NCOA1: variants seen among roughly 807,000 people sequenced by gnomAD.
NCOA1 encodes Hin-2 protein.
NCOA1 carries 35 observed loss-of-function variants against 150.9 expected under a neutral mutation model. The ratio of observed to expected loss-of-function variants is 0.23; its 90% CI spans 0.18 to 0.31. The LOEUF is 0.31. NCOA1 is among the 10% of genes least tolerant of loss of function. NCOA1 has a pLI of 1.00. For missense variants in NCOA1, 1,491 were observed against 1,749.3 expected (o/e 0.85, Z 2.63); for synonymous variants, 590 against 630.0 (o/e 0.94, Z 0.95).
intron 1 of NCOA1, among the ~76,000 whole-genome samples, chr2:24,546,634 C>T (rs917263510): frequency 7.2e-5 from 11 of 152,264 alleles, no homozygotes; most frequent in East Asian, 1.9e-4. Context: ...GCTGATATCA[C>T]GAGCTTGATA....
At chr2:24,495,968 T>A (rs902526766) in intron 1 of NCOA1, among the ~76,000 whole-genome samples, 16 of 152,346 alleles carry the variant, frequency 1.1e-4, no homozygotes, top group African/African-American at 3.6e-4. Flanking sequence ...CATTCTTTTC[T>A]TTGTAATTTC....
chr2:24,650,533 G>A (rs55844521), intron 4 of NCOA1, among the ~76,000 whole-genome samples: 1 of 152,014 alleles, frequency 6.6e-6, no homozygotes, highest in Admixed American at 6.6e-5. Flanking sequence ...TCTGATAGGG[G>A]TCTAATACCC....
chr2:24,499,899 G>T (rs1663383546), intron 1 of NCOA1, among the ~76,000 whole-genome samples: 1 of 152,214 alleles, frequency 6.6e-6, no homozygotes, highest in African/African-American at 2.4e-5. Flanking sequence ...TGAATGTGCT[G>T]TGGTGTGTCT....
At chr2:24,719,242 A>T (rs1674235193) in intron 14 of NCOA1, among the ~76,000 whole-genome samples, 1 of 152,090 alleles carries the variant, frequency 6.6e-6, no homozygotes, top group South Asian at 2.1e-4. Flanking sequence ...AACAGGCAAA[A>T]CTAATCTGTA....
chr2:24,610,020 A>T (rs1461644803), intron 3 of NCOA1, among the ~76,000 whole-genome samples: 1 of 150,802 alleles, frequency 6.6e-6, no homozygotes, highest in Admixed American at 6.6e-5. Flanking sequence ...TTGCATTGTG[A>T]TCAGGGAATG....
chr2:24,707,931 T>C lies in NCOA1; in HGVS notation c.2418+43T>C, dbSNP rs777722282. 3.3e-6 allele frequency: 5 copies of C among 1,537,084 alleles called. No homozygotes were observed. In the East Asian group the frequency reaches 1.1e-4, roughly 35 times the overall value. On this transcript the variant is annotated intron_variant, in intron 13 of 22. Coordinates refer to ENST00000348332, the MANE Select transcript of NCOA1 (RefSeq NM_003743.5). The stretch of plus-strand genomic sequence containing the variant: ...TCACAGAATGGTCATTCTTAGTAAT[T>C]TTTTTTTTCATTTATTCTATTCCAT...
At chr2:24,567,096 A>G (rs1666545650) in intron 2 of NCOA1, among the ~76,000 whole-genome samples, 1 of 152,196 alleles carries the variant, frequency 6.6e-6, no homozygotes, top group South Asian at 2.1e-4. Context: ...CATCACTAAG[A>G]CTGCCTCAGC....
intron 18 of NCOA1, among the ~76,000 whole-genome samples, chr2:24,740,679 A>T (rs1432830251): frequency 6.6e-6 from 1 of 152,170 alleles, no homozygotes; most frequent in Non-Finnish European, 1.5e-5. Flanking sequence ...ATGGATCCAG[A>T]TTTCAGTTTC....
intron 4 of NCOA1, among the ~76,000 whole-genome samples, chr2:24,651,345 A>G (rs2148477915): frequency 1.3e-5 from 2 of 152,202 alleles, no homozygotes; most frequent in South Asian, 4.1e-4. Context: ...TGTAATATAT[A>G]TATGCAATGG....
intron 3 of NCOA1, among the ~76,000 whole-genome samples, chr2:24,585,759 A>C (rs1184631703): frequency 6.6e-6 from 1 of 152,184 alleles, no homozygotes; most frequent in African/African-American, 2.4e-5. Context: ...TTTCATATAC[A>C]CGTATATTTC....
intron 22 of NCOA1, among the ~76,000 whole-genome samples, chr2:24,767,160 C>T (rs1665107812): frequency 6.6e-6 from 1 of 152,154 alleles, no homozygotes; most frequent in Admixed American, 6.5e-5. Flanking sequence ...TGATGGAAAA[C>T]AACTTTTACT....
At chr2:24,699,191 C>T (rs1270080669) in intron 11 of NCOA1, among the ~76,000 whole-genome samples, 1 of 152,210 alleles carries the variant, frequency 6.6e-6, no homozygotes, top group Non-Finnish European at 1.5e-5. Context: ...TGTTTCGACT[C>T]ATTGCCTGAA....
chr2:24,535,946 G>A (rs925360507), intron 1 of NCOA1, among the ~76,000 whole-genome samples: 6 of 152,032 alleles, frequency 3.9e-5, no homozygotes, highest in Non-Finnish European at 8.8e-5. Flanking sequence ...TGCTCTTCTC[G>A]AGGAGTATCT....
intron 1 of NCOA1, among the ~76,000 whole-genome samples, chr2:24,513,814 T>C (rs1572367879): frequency 6.6e-6 from 1 of 152,322 alleles, no homozygotes; most frequent in African/African-American, 2.4e-5. Context: ...AGGTTCTAGA[T>C]GGTTAGCAGC....
intron 3 of NCOA1, among the ~76,000 whole-genome samples, chr2:24,624,813 C>T (rs1669334480): frequency 1.3e-5 from 2 of 152,124 alleles, no homozygotes; most frequent in Non-Finnish European, 2.9e-5. Context: ...TTTGAGCTGA[C>T]TCTTGGGGTG....
In NCOA1 at chr2:24,644,525, G is replaced by GT. The variant is rs1670373481; in HGVS notation, c.-18+403_-18+404insT. On this transcript the variant is annotated intron_variant, in intron 4 of 22. Transcript: ENST00000348332. ...CCTGTATAATATATAGGTAATTGTAGGTATACCCATATAATATATACCTAT... is the reference window on the plus strand; with the variant it reads ...CCTGTATAATATATAGGTAATTGTAGTGTATACCCATATAATATATACCTAT... Among the ~76,000 whole-genome samples the GT allele has an allele frequency of 2.0e-5, 3 of 151,802 alleles. No homozygotes were observed. In the South Asian group the frequency reaches 6.2e-4, roughly 32 times the overall value.
chr2:24,739,643 T>G (rs1156952430), intron 18 of NCOA1, 110 bp downstream of exon 18: 3 of 696,196 alleles, frequency 4.3e-6, no homozygotes, highest in Non-Finnish European at 7.2e-6. Context: ...CTTTTAATGA[T>G]GTTTGTAGTG....
rs377167840 is a variant in NCOA1, at chr2:24,751,972, C to A, written c.3707-10C>A. ...TGTATCAACATAAATTAATTTGTGT[C>A]AATTTACAGGAATGGTTCCCCAAGG... On this transcript the variant is annotated splice_polypyrimidine_tract_variant and intron_variant, in intron 19 of 22. Coordinates refer to ENST00000348332, the MANE Select transcript of NCOA1 (RefSeq NM_003743.5). 5.5e-5 allele frequency: 88 copies of A among 1,600,866 alleles called. No homozygotes were observed. The highest frequency in any genetic ancestry group is 7.4e-5 in the Non-Finnish European group (87 of 1,174,906).
At chr2:24,644,273 G>A (rs1193355895) in intron 4 of NCOA1, among the ~76,000 whole-genome samples, 151 bp downstream of exon 4, 1 of 152,168 alleles carries the variant, frequency 6.6e-6, no homozygotes, top group Admixed American at 6.5e-5. Context: ...ACATTCCTAA[G>A]TGAAAATGAT....
Sources: gnomAD v4.1 joint callset for allele counts (sites outside exome capture counted in the v4.1 genomes callset) on GRCh38, gnomAD v4.1.1 for gene constraint, MANE v1.5 for transcripts, NCBI Gene and HGNC (gene_info 2026-07-23, HGNC 2026-07-21) for gene names.